Variants in CNTNAP2 observed in about 807,000 individuals in gnomAD.
CNTNAP2 encodes the protein contactin associated protein 2.
CNTNAP2 carries 98 observed loss-of-function variants against 155.2 expected under a neutral mutation model. The observed-to-expected ratio is 0.63, with a 90% CI of 0.54 to 0.75. CNTNAP2 has a LOEUF of 0.75. Among genes scored for constraint, CNTNAP2 ranks in the 30% least tolerant of loss-of-function variants. The probability of loss-of-function intolerance (pLI) is 0.00; values close to 1 mark genes in which losing one functional copy is unlikely to be tolerated. For synonymous variants in CNTNAP2, 651 were observed against 631.2 expected, an observed-to-expected ratio of 1.03 and a Z score of -0.47; for missense variants, 1,727 against 1,688.1, an observed-to-expected ratio of 1.02 and a Z score of -0.40.
chr7:147,798,234 A>G (rs1797933651), intron 13 of CNTNAP2, among the ~76,000 whole-genome samples: 1 of 152,202 alleles, frequency 6.6e-6, no homozygotes, highest in African/African-American at 2.4e-5. Context: ...AATTTCAGCA[A>G]TATAATTACA....
chr7:147,465,491 G>T lies in CNTNAP2; in HGVS notation c.1671-20444G>T, dbSNP rs573674559. 6.6e-5 allele frequency among the ~76,000 whole-genome samples: 10 copies of T among 151,954 alleles called. No homozygotes were observed. The East Asian group carries it at 1.5e-3, about 24-fold the overall frequency. On this transcript the variant is annotated intron_variant, in intron 10 of 23. Transcript: ENST00000361727. Reference sequence around the variant, plus strand: ...CATAGAAACATTTTTTATATTATGCGCATAAATTGTGTTCTCATAGGGAGA... The same window carrying T: ...CATAGAAACATTTTTTATATTATGCTCATAAATTGTGTTCTCATAGGGAGA...
intron 13 of CNTNAP2, among the ~76,000 whole-genome samples, chr7:147,887,360 A>G (rs1799619463): frequency 6.6e-6 from 1 of 152,190 alleles, no homozygotes; most frequent in Admixed American, 6.5e-5. Flanking sequence ...TATCCCAGCT[A>G]CTCAGGAGGC....
intron 11 of CNTNAP2, among the ~76,000 whole-genome samples, chr7:147,499,935 A>G (rs1261098100): frequency 1.3e-5 from 2 of 152,212 alleles, no homozygotes; most frequent in Admixed American, 6.5e-5. Flanking sequence ...GACCCTGAAG[A>G]TAATATAAAT....
chr7:147,531,768 C>T (rs1487725843), intron 11 of CNTNAP2, among the ~76,000 whole-genome samples: 4 of 151,342 alleles, frequency 2.6e-5, no homozygotes, highest in Admixed American at 2.0e-4. Flanking sequence ...TTTCTGCAGC[C>T]GGCTTGAATT....
At chr7:147,174,762 T>C (rs999421288) in intron 8 of CNTNAP2, among the ~76,000 whole-genome samples, 9 of 152,108 alleles carry the variant, frequency 5.9e-5, no homozygotes, top group Non-Finnish European at 1.3e-4. Context: ...AGAGAGAATA[T>C]GATAATTAAT....
intron 1 of CNTNAP2, among the ~76,000 whole-genome samples, chr7:146,138,792 AAAGAACTTT>A (rs1747782011): frequency 6.6e-6 from 1 of 152,156 alleles, no homozygotes; most frequent in South Asian, 2.1e-4. Flanking sequence ...TGACATACCA[AAAGAACTTT>A]AAGAAACACA....
intron 15 of CNTNAP2, among the ~76,000 whole-genome samples, chr7:148,027,151 C>T (rs555351519): frequency 1.2e-4 from 18 of 152,252 alleles, no homozygotes; most frequent in South Asian, 2.1e-4. Context: ...ACCCACTATA[C>T]GAACTAATGA....
chr7:146,519,143 C>A (rs142274424), intron 1 of CNTNAP2, among the ~76,000 whole-genome samples: 3 of 151,886 alleles, frequency 2.0e-5, no homozygotes, highest in Middle Eastern at 6.8e-3. Flanking sequence ...ATGTCTTATA[C>A]AGTGTTGGAC....
intron 13 of CNTNAP2, among the ~76,000 whole-genome samples, chr7:147,864,463 A>G (rs1799192288): frequency 6.6e-6 from 1 of 151,360 alleles, no homozygotes; most frequent in South Asian, 2.1e-4. Context: ...AATTCTGTGA[A>G]GAAAGTCATT....
intron 11 of CNTNAP2, among the ~76,000 whole-genome samples, chr7:147,535,550 T>C (rs1799524381): frequency 6.6e-6 from 1 of 152,228 alleles, no homozygotes; most frequent in Non-Finnish European, 1.5e-5. Context: ...CATTAAATGA[T>C]ATTCAGATTC....
intron 12 of CNTNAP2, among the ~76,000 whole-genome samples, chr7:147,621,097 GA>G (rs1237396264): frequency 4.6e-5 from 7 of 151,954 alleles, no homozygotes; most frequent in Non-Finnish European, 8.8e-5. Flanking sequence ...GGTGCTGAAA[GA>G]AAAAAACTTT....
At chr7:146,922,567 G>A (rs1291459244) in intron 3 of CNTNAP2, among the ~76,000 whole-genome samples, 3 of 152,100 alleles carry the variant, frequency 2.0e-5, no homozygotes, top group African/African-American at 7.2e-5. Flanking sequence ...AAAGACCTAT[G>A]AATAGGTGAG....
At chr7:147,215,952 T>A (rs1803258889) in intron 8 of CNTNAP2, among the ~76,000 whole-genome samples, 1 of 152,170 alleles carries the variant, frequency 6.6e-6, no homozygotes, top group Non-Finnish European at 1.5e-5. Context: ...ATGTAGAACA[T>A]CTTTTTATAT....
At chr7:147,118,445 G>T (rs974551996) in intron 5 of CNTNAP2, among the ~76,000 whole-genome samples, 2 of 152,140 alleles carry the variant, frequency 1.3e-5, no homozygotes, top group Admixed American at 6.5e-5. Context: ...TTAATTGTAT[G>T]GGGAAATATA....
Position 148,119,164 on chromosome 7 carries a change from G to T in CNTNAP2, c.2554+876G>T, listed in dbSNP as rs78093249. On this transcript the variant is annotated intron_variant, in intron 16 of 23. Transcript: ENST00000361727. ...TGAGAGTCGGGGAGATCAACCACAAGGACGAGGCCAGGCTATGTCCCCTGT... is the reference window on the plus strand; with the variant it reads ...TGAGAGTCGGGGAGATCAACCACAATGACGAGGCCAGGCTATGTCCCCTGT... Among the ~76,000 whole-genome samples, 360 of 152,216 alleles carry T rather than the reference G, an allele frequency of 2.4e-3. 6 individuals are homozygous for T. The highest frequency in any genetic ancestry group is 3.4e-3 in the Middle Eastern group (1 of 294).
intron 8 of CNTNAP2, among the ~76,000 whole-genome samples, chr7:147,178,504 T>C (rs943481488): frequency 6.6e-6 from 1 of 152,188 alleles, no homozygotes; most frequent in African/African-American, 2.4e-5. Context: ...AATGAATGTG[T>C]GTTGTTTTAA....
intron 13 of CNTNAP2, among the ~76,000 whole-genome samples, chr7:147,802,559 C>T (rs1298952080): frequency 5.3e-5 from 8 of 152,288 alleles, no homozygotes; most frequent in South Asian, 4.1e-4. Context: ...GGATCACTCG[C>T]GGTTACGAGC....
chr7:147,842,085 G>A (rs1425529286), intron 13 of CNTNAP2, among the ~76,000 whole-genome samples: 3 of 152,128 alleles, frequency 2.0e-5, no homozygotes, highest in African/African-American at 7.2e-5. Context: ...GTGTTACACA[G>A]GTGCTTAATA....
At chr7:148,103,662 A>G (rs990675923) in intron 15 of CNTNAP2, among the ~76,000 whole-genome samples, 1 of 152,190 alleles carries the variant, frequency 6.6e-6, no homozygotes, top group Non-Finnish European at 1.5e-5. Flanking sequence ...AACAAAGGCC[A>G]CCAGTTGCAA....
Sources: allele counts gnomAD v4.1 joint callset (sites outside exome capture counted in the v4.1 genomes callset), GRCh38; gene constraint gnomAD v4.1.1; transcripts MANE v1.5; gene names NCBI Gene and HGNC (gene_info 2026-07-23, HGNC 2026-07-21).